LHFPL6: variants seen among roughly 807,000 people sequenced by gnomAD.
The protein encoded by LHFPL6 is LHFPL tetraspan subfamily member 6.
A neutral mutation model predicts 20.6 loss-of-function variants in LHFPL6; 9 were observed. That is an observed-to-expected ratio of 0.44 (90% confidence interval 0.26 to 0.76). The LOEUF is 0.76. Among genes scored for constraint, LHFPL6 ranks in the 30% least tolerant of loss-of-function variants. The probability of loss-of-function intolerance (pLI) is 0.20; values close to 1 mark genes in which losing one functional copy is unlikely to be tolerated. For missense variants in LHFPL6, 218 were observed against 253.5 expected, an observed-to-expected ratio of 0.86 and a Z score of 0.95; for synonymous variants, 105 against 98.7, an observed-to-expected ratio of 1.06 and a Z score of -0.38.
intron 2 of LHFPL6, among the ~76,000 whole-genome samples, chr13:39,519,756 A>G (rs1870047016): frequency 6.6e-6 from 1 of 152,206 alleles, no homozygotes; most frequent in African/African-American, 2.4e-5. Flanking sequence ...TATCAATAAA[A>G]GAGTGGGCAC....
chr13:39,512,401 G>A (rs546550532), intron 2 of LHFPL6, among the ~76,000 whole-genome samples: 10 of 151,958 alleles, frequency 6.6e-5, no homozygotes, highest in South Asian at 4.2e-4. Flanking sequence ...AGGTGATCGA[G>A]ACCATCCTGG....
rs1343068243 is a variant in LHFPL6 at position 39,577,920 on chromosome 13, C to T, written c.385+22912G>A. ...CCACCCAAAGTGCTGGGATTACAAG[C>T]ATAAGCCTGTAATCCCATGAGCCCA... On this transcript the variant is annotated intron_variant, in intron 2 of 3. Transcript: ENST00000379589. 3.3e-5 allele frequency among the ~76,000 whole-genome samples: 5 copies of T among 152,100 alleles called. No homozygotes were observed. The Middle Eastern group carries it at 0.01, about 313-fold the overall frequency.
chr13:39,352,003 CA>C (rs1030469200), intron 3 of LHFPL6, among the ~76,000 whole-genome samples: 1 of 152,180 alleles, frequency 6.6e-6, no homozygotes, highest in Non-Finnish European at 1.5e-5. Flanking sequence ...AAATTTAATT[CA>C]GCCAAAGTTT....
intron 2 of LHFPL6, among the ~76,000 whole-genome samples, chr13:39,495,498 T>A (rs1869068365): frequency 6.6e-6 from 1 of 152,178 alleles, no homozygotes; most frequent in Non-Finnish European, 1.5e-5. Context: ...TCAAAAGAAA[T>A]CATGCCCATT....
At chr13:39,437,177 T>C (rs1245111757) in intron 2 of LHFPL6, among the ~76,000 whole-genome samples, 3 of 152,238 alleles carry the variant, frequency 2.0e-5, no homozygotes, top group South Asian at 4.1e-4. Flanking sequence ...CATTTAATCC[T>C]GCTTTCCTTA....
At chr13:39,580,454 A>C (rs1035239902) in intron 2 of LHFPL6, among the ~76,000 whole-genome samples, 5 of 152,240 alleles carry the variant, frequency 3.3e-5, no homozygotes, top group Non-Finnish European at 7.3e-5. Context: ...TCAGCTAGCT[A>C]AGGAAATGCA....
chr13:39,368,382 G>T (rs1870064992), intron 3 of LHFPL6, among the ~76,000 whole-genome samples: 1 of 152,018 alleles, frequency 6.6e-6, no homozygotes, highest in Non-Finnish European at 1.5e-5. Context: ...AAGAGATCAA[G>T]ACCATCCTGG....
At position 39,601,299 on chromosome 13, in the gene LHFPL6, C is replaced by T; in HGVS notation, c.-83G>A. 1 of 1,381,424 alleles carries T rather than the reference C, an allele frequency of 7.2e-7. No homozygotes were observed. Among genetic ancestry groups the T allele is most frequent in the Non-Finnish European group, 9.8e-7 (1 of 1,024,534 alleles). 85.6% of individuals were successfully genotyped at this position (1,381,424 alleles called of 1,614,324 possible). Reference sequence around the variant, plus strand: ...AATGAAGGTGTGAAATCACCAGGGACCCACAGATAATCCACAGTTCCGTAA... The same window carrying T: ...AATGAAGGTGTGAAATCACCAGGGATCCACAGATAATCCACAGTTCCGTAA... On this transcript the variant is annotated 5_prime_UTR_variant, in exon 2 of 4. Transcript: ENST00000379589.
intron 2 of LHFPL6, among the ~76,000 whole-genome samples, chr13:39,423,473 G>T (rs1304383475): frequency 6.6e-6 from 1 of 151,716 alleles, no homozygotes; most frequent in African/African-American, 2.4e-5. Context: ...GCCCAGGCTG[G>T]AACACAGTGG....
intron 2 of LHFPL6, among the ~76,000 whole-genome samples, chr13:39,485,359 T>G (rs909001467): frequency 6.6e-6 from 1 of 152,226 alleles, no homozygotes; most frequent in African/African-American, 2.4e-5. Flanking sequence ...TTGAAAGTAT[T>G]GTACAATTAA....
chr13:39,513,993 CA>C (rs1225674804), intron 2 of LHFPL6, among the ~76,000 whole-genome samples: 1 of 152,176 alleles, frequency 6.6e-6, no homozygotes, highest in Non-Finnish European at 1.5e-5. Flanking sequence ...GGAAACCCAA[CA>C]ATTATTCCTA....
chr13:39,599,415 C>T (rs1401308635), intron 2 of LHFPL6, among the ~76,000 whole-genome samples: 1 of 152,226 alleles, frequency 6.6e-6, no homozygotes, highest in African/African-American at 2.4e-5. Flanking sequence ...CTTTCAATGA[C>T]AACTTCTTTA....
chr13:39,385,344 G>A (rs1338548218), intron 2 of LHFPL6, among the ~76,000 whole-genome samples: 3 of 152,158 alleles, frequency 2.0e-5, no homozygotes, highest in Non-Finnish European at 4.4e-5. Flanking sequence ...CCTGTTCAAG[G>A]ACAATTAAAA....
intron 2 of LHFPL6, among the ~76,000 whole-genome samples, chr13:39,518,883 A>C (rs1342115312): frequency 1.3e-5 from 2 of 152,234 alleles, no homozygotes; most frequent in African/African-American, 4.8e-5. Flanking sequence ...CCACGATGGA[A>C]CACGTCGAAG....
rs1463862595 is a variant in LHFPL6 at position 39,482,002 on chromosome 13, G to A, written c.386-103476C>T. On this transcript the variant is annotated intron_variant, in intron 2 of 3. Transcript: ENST00000379589. ...ATATGGGGAATCAAAAGTTCATTCCGGCCATGTTTTGTTGGATGTAAAGTG... is the reference window on the plus strand; with the variant it reads ...ATATGGGGAATCAAAAGTTCATTCCAGCCATGTTTTGTTGGATGTAAAGTG... 4.6e-5 allele frequency among the ~76,000 whole-genome samples: 7 copies of A among 152,184 alleles called. No individual in the cohort carries two copies. In the South Asian group the frequency reaches 1.2e-3, roughly 27 times the overall value.
intron 3 of LHFPL6, among the ~76,000 whole-genome samples, chr13:39,347,080 CAAAAAA>C (rs11328909): frequency 1.3e-5 from 1 of 76,576 alleles, no homozygotes; most frequent in Non-Finnish European, 2.5e-5. Flanking sequence ...ACTCTGTCTC[CAAAAAA>C]AAAAAAAAAA....
chr13:39,555,463 C>T lies in LHFPL6; in HGVS notation c.385+45369G>A, dbSNP rs958044223. On this transcript the variant is annotated intron_variant, in intron 2 of 3. Transcript: ENST00000379589. ...TTCTGTAATCACACACACACTGTGC[C>T]TCTAACAACAAACACGGTGACTCTG... Among the ~76,000 whole-genome samples the T allele has an allele frequency of 5.9e-5, 9 of 152,218 alleles. No homozygotes were observed. The South Asian group carries it at 1.9e-3, about 32-fold the overall frequency.
chr13:39,404,243 A>T (rs139019465), intron 2 of LHFPL6, among the ~76,000 whole-genome samples: 1 of 152,198 alleles, frequency 6.6e-6, no homozygotes, highest in African/African-American at 2.4e-5. Context: ...GTTGCTAACT[A>T]ATAAAATCAA....
At chr13:39,399,682 T>A (rs868772229) in intron 2 of LHFPL6, among the ~76,000 whole-genome samples, 29 of 152,360 alleles carry the variant, frequency 1.9e-4, no homozygotes, top group African/African-American at 7.0e-4. Flanking sequence ...CAAAATGTTA[T>A]GACTAATATT....
Sources: gnomAD v4.1 joint callset for allele counts (sites outside exome capture counted in the v4.1 genomes callset) on GRCh38, gnomAD v4.1.1 for gene constraint, MANE v1.5 for transcripts, NCBI Gene and HGNC (gene_info 2026-07-23, HGNC 2026-07-21) for gene names.